The following MITF variants were observed in gnomAD, a reference collection of about 807,000 sequenced individuals.
The protein encoded by MITF is melanocyte inducing transcription factor, also known as microphthalmia-associated transcription factor.
Under a neutral mutation model 60.5 loss-of-function variants are expected in MITF, and 17 were observed. That is an observed-to-expected ratio of 0.28 (90% CI 0.19 to 0.42). MITF has a LOEUF of 0.42. Among genes scored for constraint, MITF ranks in the 10% least tolerant of loss-of-function variants. The pLI, the probability that MITF is intolerant of heterozygous loss-of-function variation, is 1.00. For missense variants in MITF, 622 were observed against 683.5 expected (o/e 0.91, Z 1.00); for synonymous variants, 260 against 248.5 (o/e 1.05, Z -0.43).
At chr3:69,838,860 G>T (rs1015673232) in intron 1 of MITF, among the ~76,000 whole-genome samples, 4 of 152,174 alleles carry the variant, frequency 2.6e-5, no homozygotes, top group African/African-American at 9.7e-5. Context: ...GAAAGAATTT[G>T]CAAGGGGAAT....
chr3:69,820,020 A>G (rs947886000), intron 1 of MITF, among the ~76,000 whole-genome samples: 2 of 152,160 alleles, frequency 1.3e-5, no homozygotes, highest in African/African-American at 4.8e-5. Flanking sequence ...TTGATGTCCA[A>G]TGTGGTAGCT....
At chr3:69,956,971 A>G (rs1453508220) in intron 8 of MITF, among the ~76,000 whole-genome samples, 1 of 152,184 alleles carries the variant, frequency 6.6e-6, no homozygotes, top group Non-Finnish European at 1.5e-5. Flanking sequence ...ATGATACTCC[A>G]CAGACAAAAA....
chr3:69,740,516 C>G (rs1283165815), intron 1 of MITF, among the ~76,000 whole-genome samples: 2 of 152,160 alleles, frequency 1.3e-5, no homozygotes, highest in Non-Finnish European at 2.9e-5. Flanking sequence ...CTCTGATGCC[C>G]CATCCCCTCT....
chr3:69,931,245 C>T lies in MITF; in HGVS notation c.355-6577C>T, dbSNP rs1320630385. Among the ~76,000 whole-genome samples, 4 of 152,260 alleles carry T rather than the reference C, an allele frequency of 2.6e-5. No individual in the cohort carries two copies. In the South Asian group the frequency reaches 8.3e-4, roughly 32 times the overall value. Reference sequence around the variant, plus strand: ...ATCGTGCTATATAATGTAACATATCCACTCATAATGTCTTATAAGACCCTC... The same window carrying T: ...ATCGTGCTATATAATGTAACATATCTACTCATAATGTCTTATAAGACCCTC... On this transcript the variant is annotated intron_variant, in intron 2 of 9. Transcript: ENST00000352241.
chr3:69,863,532 G>A (rs11916863), intron 1 of MITF, among the ~76,000 whole-genome samples: 1 of 152,184 alleles, frequency 6.6e-6, no homozygotes. Flanking sequence ...CCTTCGGGAA[G>A]GGCTGGAATT....
At position 69,875,461 on chromosome 3, in the gene MITF, A is replaced by G. The variant is rs541524134; in HGVS notation, c.105-3673A>G. The stretch of plus-strand genomic sequence containing the variant: ...AAACCAGGTATTCCCAGCACCTGGC[A>G]ATAACTATTTGTTGAATAAATGACC... On this transcript the variant is annotated intron_variant, in intron 1 of 9. Transcript: ENST00000352241. Among the ~76,000 whole-genome samples the G allele has an allele frequency of 2.0e-5, 3 of 152,318 alleles. No individual in the cohort carries two copies. The East Asian group carries it at 5.8e-4, about 29-fold the overall frequency.
intron 2 of MITF, chr3:69,936,776 TATTC>T (rs1221652329): frequency 6.2e-7 from 1 of 1,607,244 alleles, no homozygotes; most frequent in East Asian, 2.2e-5. Context: ...TTCTGACTCA[TATTC>T]AGTCTTTGAA....
intron 2 of MITF, among the ~76,000 whole-genome samples, chr3:69,899,598 C>G (rs571108657): frequency 2.3e-4 from 35 of 152,286 alleles, no homozygotes; most frequent in Non-Finnish European, 4.4e-4. Context: ...TTATCATTCC[C>G]TCTTCTGAGT....
At chr3:69,763,596 G>T in intron 1 of MITF, 1 of 1,203,400 alleles carries the variant, frequency 8.3e-7, no homozygotes, top group East Asian at 4.5e-5. Flanking sequence ...GCACGTAAGC[G>T]TGTGGCAGAA....
At chr3:69,831,884 C>A (rs1274236266) in intron 1 of MITF, among the ~76,000 whole-genome samples, 1 of 152,118 alleles carries the variant, frequency 6.6e-6, no homozygotes, top group African/African-American at 2.4e-5. Flanking sequence ...TCCACAAGAA[C>A]CAGTGGTGGA....
intron 1 of MITF, among the ~76,000 whole-genome samples, chr3:69,863,032 G>A (rs2064044958): frequency 1.3e-5 from 2 of 151,854 alleles, no homozygotes; most frequent in South Asian, 4.1e-4. Context: ...ATACATATAT[G>A]TATACAAACT....
At chr3:69,764,410 A>G (rs2062258387) in intron 1 of MITF, among the ~76,000 whole-genome samples, 1 of 152,216 alleles carries the variant, frequency 6.6e-6, no homozygotes, top group African/African-American at 2.4e-5. Flanking sequence ...TTGTAAAAGA[A>G]TACCACTTCC....
chr3:69,852,479 T>C (rs1289874036), intron 1 of MITF, among the ~76,000 whole-genome samples: 4 of 152,244 alleles, frequency 2.6e-5, no homozygotes, highest in Admixed American at 2.0e-4. Flanking sequence ...GTGAGATTTA[T>C]CCCTTGTTTG....
chr3:69,929,340 C>T (rs2065664285), intron 2 of MITF, among the ~76,000 whole-genome samples: 1 of 152,062 alleles, frequency 6.6e-6, no homozygotes, highest in Admixed American at 6.6e-5. Flanking sequence ...GTGAATATGT[C>T]CTTAAGATAG....
intron 1 of MITF, among the ~76,000 whole-genome samples, chr3:69,747,916 A>G (rs1042147755): frequency 1.1e-4 from 16 of 152,206 alleles, no homozygotes; most frequent in Non-Finnish European, 2.2e-4. Flanking sequence ...GTAATTGAGG[A>G]TTAAAAAGGA....
At chr3:69,803,025 C>T (rs908236967) in intron 1 of MITF, among the ~76,000 whole-genome samples, 3 of 152,126 alleles carry the variant, frequency 2.0e-5, no homozygotes, top group Non-Finnish European at 4.4e-5. Context: ...GATCTGCCCG[C>T]CTCAGCCTCC....
chr3:69,962,592 G>A (rs3772111), intron 9 of MITF, among the ~76,000 whole-genome samples: 2 of 152,000 alleles, frequency 1.3e-5, no homozygotes, highest in Non-Finnish European at 2.9e-5. Flanking sequence ...ATAAGGAAAG[G>A]TGACTTGCTT....
chr3:69,887,056 C>T (rs2064636519), intron 2 of MITF, among the ~76,000 whole-genome samples: 1 of 151,964 alleles, frequency 6.6e-6, no homozygotes, highest in Non-Finnish European at 1.5e-5. Context: ...TCCCATGCAC[C>T]TTGCAATATT....
intron 1 of MITF, among the ~76,000 whole-genome samples, chr3:69,816,642 T>A (rs1381624283): frequency 6.6e-6 from 1 of 152,218 alleles, no homozygotes; most frequent in Non-Finnish European, 1.5e-5. Flanking sequence ...TAAGTTTTGA[T>A]CTTTGGCAAT....
Sources: allele counts gnomAD v4.1 joint callset (sites outside exome capture counted in the v4.1 genomes callset), GRCh38; gene constraint gnomAD v4.1.1; transcripts MANE v1.5; gene names NCBI Gene and HGNC (gene_info 2026-07-23, HGNC 2026-07-21).